Variants in SHANK2 observed in about 807,000 individuals in gnomAD.
The protein encoded by SHANK2 is SH3 and multiple ankyrin repeat domains 2, also known as SH3 and multiple ankyrin repeat domains protein 2.
A neutral mutation model predicts 133.7 loss-of-function variants in SHANK2; 43 were observed. The ratio of observed to expected loss-of-function variants is 0.32; its 90% CI spans 0.25 to 0.41. The LOEUF is 0.41. Among genes scored for constraint, SHANK2 ranks in the 10% least tolerant of loss-of-function variants. SHANK2 has a pLI of 1.00. For missense variants in SHANK2, 1,994 were observed against 2,235.8 expected (o/e 0.89, Z 2.18); for synonymous variants, 1,017 against 952.8 (o/e 1.07, Z -1.24).
intron 11 of SHANK2, among the ~76,000 whole-genome samples, chr11:70,875,787 T>G (rs1555071114): frequency 1.4e-5 from 2 of 143,284 alleles, no homozygotes; most frequent in African/African-American, 5.3e-5. Flanking sequence ...CCCTGGGAGG[T>G]CGAGACCGCA....
In SHANK2 at chr11:70,509,857, G is replaced by A. The variant is rs118100457; in HGVS notation, c.2062-6926C>T. On this transcript the variant is annotated intron_variant, in intron 17 of 25. Transcript: ENST00000601538. ...TTTCTGCAAACCAGTTTGCCGGCCA[G>A]TGCCATGATCTTGGACTTCTGGTCT... Among the ~76,000 whole-genome samples, 782 of 152,352 alleles carry A rather than the reference G, an allele frequency of 5.1e-3. 1 individual carries two copies. Among genetic ancestry groups the A allele is most frequent in the Middle Eastern group, 0.014 (4 of 294 alleles).
intron 14 of SHANK2, among the ~76,000 whole-genome samples, chr11:70,789,088 G>T (rs1158581143): frequency 6.6e-6 from 1 of 152,190 alleles, no homozygotes; most frequent in Non-Finnish European, 1.5e-5. Flanking sequence ...GGCTGGAAAG[G>T]AGAGTCCACG....
At chr11:70,875,524 AAAC>A (rs71049946) in intron 11 of SHANK2, among the ~76,000 whole-genome samples, 13,555 of 146,498 alleles carry the variant, frequency 0.093, 737 homozygotes, top group Non-Finnish European at 0.12. Flanking sequence ...ACTCCGTCTC[AAAC>A]AACAACAACA....
chr11:70,913,833 C>T, intron 10 of SHANK2, among the ~76,000 whole-genome samples: 1 of 152,158 alleles, frequency 6.6e-6, no homozygotes, highest in Non-Finnish European at 1.5e-5. Flanking sequence ...CTCTGTGCTT[C>T]TGGTTCAATC....
intron 10 of SHANK2, among the ~76,000 whole-genome samples, chr11:70,926,679 C>T (rs1393304733): frequency 6.6e-6 from 1 of 152,170 alleles, no homozygotes; most frequent in African/African-American, 2.4e-5. Context: ...GTTTAGGGTA[C>T]AAGAGCTGAG....
chr11:70,828,940 C>G (rs1948686503), intron 11 of SHANK2, among the ~76,000 whole-genome samples: 2 of 152,260 alleles, frequency 1.3e-5, no homozygotes, highest in Non-Finnish European at 2.9e-5. Flanking sequence ...CCAATCACTG[C>G]TCCGGCGCTG....
chr11:70,586,431 G>A (rs1171095899), intron 17 of SHANK2, among the ~76,000 whole-genome samples: 13 of 152,170 alleles, frequency 8.5e-5, no homozygotes, highest in African/African-American at 1.9e-4. Flanking sequence ...TCACCTATTG[G>A]CTTCTCTTAA....
chr11:70,887,283 AC>A (rs1565384658), intron 11 of SHANK2, among the ~76,000 whole-genome samples: 1 of 65,750 alleles, frequency 1.5e-5, no homozygotes, highest in African/African-American at 2.6e-5. Context: ...GCAAGGATTA[AC>A]TGTGGTATTC....
intron 21 of SHANK2, among the ~76,000 whole-genome samples, chr11:70,496,232 AT>A (rs1651279037): frequency 6.6e-6 from 1 of 152,160 alleles, no homozygotes; most frequent in South Asian, 2.1e-4. Flanking sequence ...CTTTCCTGGG[AT>A]TACAATTTAA....
intron 17 of SHANK2, among the ~76,000 whole-genome samples, chr11:70,620,749 T>G (rs1303943006): frequency 6.6e-6 from 1 of 152,210 alleles, no homozygotes; most frequent in Admixed American, 6.5e-5. Context: ...AGTGTCCTTA[T>G]AAGAAGAAAC....
Position 71,173,621 on chromosome 11 carries a change from G to A in SHANK2, c.-12-26283C>T, listed in dbSNP as rs150241031. 1.4e-3 allele frequency among the ~76,000 whole-genome samples: 206 copies of A among 152,352 alleles called. 1 individual carries two copies. Among genetic ancestry groups the A allele is most frequent in the African/African-American group, 4.6e-3 (190 of 41,588 alleles). The stretch of plus-strand genomic sequence containing the variant: ...AGAGTCAACTATTCCAAAACATGCT[G>A]AAACCTACCCAAGTGCACTGGCGTG... On this transcript the variant is annotated intron_variant, in intron 2 of 25. Coordinates refer to ENST00000601538, the MANE Select transcript of SHANK2 (RefSeq NM_012309.5).
chr11:70,717,923 T>C (rs1364142716), intron 14 of SHANK2, among the ~76,000 whole-genome samples: 1 of 152,124 alleles, frequency 6.6e-6, no homozygotes, highest in Non-Finnish European at 1.5e-5. Flanking sequence ...ATGAGGAAGT[T>C]CACAAATTTG....
At chr11:71,236,312 C>T (rs1954825827) in intron 1 of SHANK2, among the ~76,000 whole-genome samples, 2 of 152,176 alleles carry the variant, frequency 1.3e-5, no homozygotes, top group Non-Finnish European at 2.9e-5. Context: ...GTAAAAGCAT[C>T]AAAACCCAAC....
At chr11:70,948,380 C>G (rs67223333) in intron 10 of SHANK2, 90,464 of 456,976 alleles carry the variant, frequency 0.2, 9,619 homozygotes, top group African/African-American at 0.26. Flanking sequence ...GTGGCTCTTA[C>G]GAGAAACTCC....
At chr11:71,068,480 G>A (rs1048392191) in intron 9 of SHANK2, among the ~76,000 whole-genome samples, 10 of 152,324 alleles carry the variant, frequency 6.6e-5, no homozygotes, top group East Asian at 3.9e-4. Context: ...ATGCAACACC[G>A]CAACCATGAC....
intron 11 of SHANK2, among the ~76,000 whole-genome samples, chr11:70,869,570 T>C (rs1263630237): frequency 6.6e-6 from 1 of 152,190 alleles, no homozygotes. Context: ...GCCTATGGCC[T>C]CTCCACCAAG....
At chr11:70,876,437 A>C (rs1260290283) in intron 11 of SHANK2, among the ~76,000 whole-genome samples, 2 of 147,744 alleles carry the variant, frequency 1.4e-5, no homozygotes, top group Admixed American at 6.8e-5. Flanking sequence ...TCGGGCACCT[A>C]TAGTCCCAGC....
chr11:70,588,731 G>A (rs1300420584), intron 17 of SHANK2, among the ~76,000 whole-genome samples: 1 of 152,252 alleles, frequency 6.6e-6, no homozygotes, highest in Non-Finnish European at 1.5e-5. Flanking sequence ...AGTCTTGATG[G>A]AGAAGCTGCA....
intron 11 of SHANK2, among the ~76,000 whole-genome samples, chr11:70,889,501 G>C (rs1056403999): frequency 3.3e-5 from 5 of 152,232 alleles, no homozygotes; most frequent in Non-Finnish European, 7.3e-5. Context: ...GCCCACGAAA[G>C]ATGTGGATGA....
Sources: allele counts gnomAD v4.1 joint callset (sites outside exome capture counted in the v4.1 genomes callset), GRCh38; gene constraint gnomAD v4.1.1; transcripts MANE v1.5; gene names NCBI Gene and HGNC (gene_info 2026-07-23, HGNC 2026-07-21).